WDR1: variants seen among roughly 807,000 people sequenced by gnomAD.
WDR1 encodes WD repeat-containing protein 1.
A neutral mutation model predicts 71.9 loss-of-function variants in WDR1; 21 were observed. The ratio of observed to expected loss-of-function variants is 0.29; its 90% CI spans 0.21 to 0.42. The LOEUF is 0.42. Ranked by LOEUF, WDR1 falls within the 10% of genes least tolerant of loss-of-function variation. WDR1 has a pLI of 1.00. For missense variants in WDR1, 696 were observed against 824.5 expected (o/e 0.84, Z 1.91); for synonymous variants, 424 against 347.4 (o/e 1.22, Z -2.45).
chr4:10,109,651 C>T (rs947477884), intron 2 of WDR1, among the ~76,000 whole-genome samples: 4 of 152,232 alleles, frequency 2.6e-5, no homozygotes, highest in African/African-American at 9.6e-5. Flanking sequence ...ACAGCAGCAC[C>T]CCTCATTGGA....
chr4:10,086,175 A>C (rs1438294911), intron 8 of WDR1, among the ~76,000 whole-genome samples: 1 of 152,200 alleles, frequency 6.6e-6, no homozygotes, highest in Non-Finnish European at 1.5e-5. Context: ...TCACCATCCC[A>C]CTTGGAGGCC....
intron 2 of WDR1, among the ~76,000 whole-genome samples, chr4:10,109,605 G>C (rs951061709): frequency 5.3e-5 from 8 of 152,220 alleles, no homozygotes; most frequent in African/African-American, 1.2e-4. Flanking sequence ...CAGATGCCTT[G>C]AAACAGGCCT....
At chr4:10,078,453 C>A (rs77471692) in intron 12 of WDR1, among the ~76,000 whole-genome samples, 1 of 152,162 alleles carries the variant, frequency 6.6e-6, no homozygotes, top group African/African-American at 2.4e-5. Flanking sequence ...TGGTTAGTAC[C>A]GCACCTTGAA....
intron 4 of WDR1, 27 bp from the exon 5 acceptor site, chr4:10,097,918 C>CAAAAAAA (rs748635612): frequency 7.4e-6 from 9 of 1,213,142 alleles, no homozygotes; most frequent in Admixed American, 4.4e-5. Context: ...AGGTGGAAGA[C>CAAAAAAA]AAAAAAAAAA....
In WDR1 at chr4:10,116,728, A is replaced by G; in HGVS notation, c.-62T>C. 7.7e-7 allele frequency: 1 copy of G among 1,294,344 alleles called. No individual in the cohort carries two copies. Among genetic ancestry groups the G allele is most frequent in the Non-Finnish European group, 9.8e-7 (1 of 1,019,084 alleles). 80.2% of individuals were successfully genotyped at this position (1,294,344 alleles called of 1,614,324 possible). On this transcript the variant is annotated 5_prime_UTR_variant, in exon 1 of 15. Transcript: ENST00000499869. ...GCCTCCGGGGCCGGCCCGCGCTGCG[A>G]ATTACACCTCGCCGAGGCCGAGCCC... is the stretch of plus-strand genomic sequence containing the variant.
rs746384809 is a variant in WDR1, at chr4:10,078,933, C to T, written c.1353G>A (p.Val451=). The change falls in exon 12 of 15, where the codon GTG becomes GTA. Residue 451 remains valine, a synonymous_variant. Coordinates refer to ENST00000499869, the MANE Select transcript of WDR1 (RefSeq NM_017491.5). ...CCGTGTCCCCGCCGGGGTGCACTGC[C>T]ACAACTTCGGGCTCGTAGCCGGGGT... ...IDNPGYEPEV[V]AVHPGGDTVA... is the part of the protein sequence containing the mutation. 2.2e-5 allele frequency: 36 copies of T among 1,612,890 alleles called. No individual in the cohort carries two copies. In the East Asian group the frequency reaches 8.0e-4, roughly 36 times the overall value.
chr4:10,105,997 G>C (rs1262773541), intron 2 of WDR1, among the ~76,000 whole-genome samples: 1 of 151,942 alleles, frequency 6.6e-6, no homozygotes, highest in Admixed American at 6.6e-5. Flanking sequence ...AAGTGAAAAA[G>C]CCAGACAGAA....
chr4:10,088,875 G>A, intron 5 of WDR1, 134 bp from the exon 6 acceptor site: 1 of 741,622 alleles, frequency 1.3e-6, no homozygotes, highest in Admixed American at 2.2e-5. Context: ...GAAAATTTCA[G>A]AGCTTAAAAA....
intron 2 of WDR1, among the ~76,000 whole-genome samples, chr4:10,107,804 C>T (rs1713110248): frequency 6.6e-6 from 1 of 152,152 alleles, no homozygotes. Flanking sequence ...GCGAGCAGAC[C>T]CAGGACCCAC....
In WDR1 at chr4:10,107,450, C is replaced by T. The variant is rs76163534; in HGVS notation, c.139-3464G>A. ...TCCCGACCCTGATTACCTCACGGTC[C>T]GGCTTGCAACCCACCCTTCCTGAGC... On this transcript the variant is annotated intron_variant, in intron 2 of 14. Coordinates refer to ENST00000499869, the MANE Select transcript of WDR1 (RefSeq NM_017491.5). Among the ~76,000 whole-genome samples the T allele has an allele frequency of 4.1e-3, 630 of 152,306 alleles. 7 individuals are homozygous for T. Among genetic ancestry groups the T allele is most frequent in the African/African-American group, 0.014 (588 of 41,578 alleles).
intron 3 of WDR1, among the ~76,000 whole-genome samples, chr4:10,102,156 G>A (rs1712718464): frequency 6.6e-6 from 1 of 151,138 alleles, no homozygotes; most frequent in Non-Finnish European, 1.5e-5. Context: ...GGGTCACCCA[G>A]GGGTAAGTAC....
Position 10,088,383 on chromosome 4 carries a change from A to C in WDR1, c.637-10T>G. 6.4e-7 allele frequency: 1 copy of C among 1,553,684 alleles called. No homozygotes were observed. ...CGTCATAGATGTATATCTTCCAAGAAATAAAAACATGTGGGTCATGTGTGT... is the reference window on the plus strand; with the variant it reads ...CGTCATAGATGTATATCTTCCAAGACATAAAAACATGTGGGTCATGTGTGT... On this transcript the variant is annotated splice_polypyrimidine_tract_variant and intron_variant, in intron 6 of 14. Coordinates refer to ENST00000499869, the MANE Select transcript of WDR1 (RefSeq NM_017491.5).
intron 8 of WDR1, among the ~76,000 whole-genome samples, chr4:10,086,202 C>T (rs552358177): frequency 6.6e-6 from 1 of 152,222 alleles, no homozygotes; most frequent in Non-Finnish European, 1.5e-5. Context: ...AGCATGGTCT[C>T]GACAAGAGCC....
At chr4:10,081,283 G>T in intron 11 of WDR1, 74 bp downstream of exon 11, 1 of 1,449,560 alleles carries the variant, frequency 6.9e-7, no homozygotes, top group Non-Finnish European at 9.7e-7. Flanking sequence ...TGTCAAACGG[G>T]ACATGAGTCA....
In WDR1 at chr4:10,116,145, T is replaced by G; in HGVS notation, c.106A>C (p.Asn36His). ...DPKGNNFLYTNGKCVILRNID... is the reference protein window; with the variant it reads ...DPKGNNFLYTHGKCVILRNID... ...TTCCTTAGGATGACGCACTTTCCAT[T>G]GGTGTACAGAAAATTGTTGCCCTTA... Residue 36 changes from asparagine to histidine, a missense_variant, in exon 2 of 15, where the codon AAT (asparagine) becomes CAT (histidine). Transcript: ENST00000499869. 2 of 1,613,650 alleles carry G rather than the reference T, an allele frequency of 1.2e-6. No individual in the cohort carries two copies. Among genetic ancestry groups the G allele is most frequent in the Non-Finnish European group, 1.7e-6 (2 of 1,179,762 alleles).
intron 11 of WDR1, 137 bp from the exon 12 acceptor site, chr4:10,079,138 T>A: frequency 1.6e-6 from 1 of 627,258 alleles, no homozygotes; most frequent in Non-Finnish European, 2.7e-6. Context: ...CAGGGCCACC[T>A]GGGGCTCTGA....
At chr4:10,082,951 G>A in intron 10 of WDR1, 71 bp downstream of exon 10, 5 of 1,525,582 alleles carry the variant, frequency 3.3e-6, no homozygotes, top group East Asian at 2.3e-5. Context: ...AACAGTAACT[G>A]CTGGAGGGCA....
At chr4:10,089,233 C>T (rs1038554990) in intron 5 of WDR1, among the ~76,000 whole-genome samples, 7 of 152,192 alleles carry the variant, frequency 4.6e-5, no homozygotes, top group African/African-American at 7.2e-5. Flanking sequence ...CTCAGCCTCC[C>T]GAGTAGCTGG....
At chr4:10,087,433 G>A (rs1711657241) in intron 8 of WDR1, among the ~76,000 whole-genome samples, 1 of 152,242 alleles carries the variant, frequency 6.6e-6, no homozygotes, top group East Asian at 1.9e-4. Context: ...AGCTGGGGGT[G>A]ATGGCCACTG....
Sources: gnomAD v4.1 joint callset for allele counts (sites outside exome capture counted in the v4.1 genomes callset) on GRCh38, gnomAD v4.1.1 for gene constraint, MANE v1.5 for transcripts, NCBI Gene and HGNC (gene_info 2026-07-23, HGNC 2026-07-21) for gene names.